Variants in YME1L1 observed in about 807,000 individuals in gnomAD.
The protein encoded by YME1L1 is ATP-dependent zinc metalloprotease YME1L1.
YME1L1 carries 39 observed loss-of-function variants against 90.4 expected under a neutral mutation model. The observed-to-expected ratio is 0.43, with a 90% confidence interval of 0.33 to 0.56. The LOEUF (loss-of-function observed/expected upper bound fraction) is 0.56. YME1L1 is among the 20% of genes least tolerant of loss of function. YME1L1 has a pLI of 0.03. For missense variants in YME1L1, 617 were observed against 868.4 expected, an observed-to-expected ratio of 0.71 and a Z score of 3.64; for synonymous variants, 284 against 287.3, an observed-to-expected ratio of 0.99 and a Z score of 0.12.
intron 12 of YME1L1, 87 bp from the exon 13 acceptor site, chr10:27,120,634 G>C: frequency 1.0e-6 from 1 of 974,978 alleles, no homozygotes; most frequent in Non-Finnish European, 1.5e-6. Context: ...ACGTGACTGG[G>C]AAGCCAATGG....
intron 1 of YME1L1, among the ~76,000 whole-genome samples, chr10:27,150,140 C>T (rs1588619018): frequency 1.3e-5 from 2 of 151,732 alleles, no homozygotes; most frequent in African/African-American, 2.4e-5. Context: ...GTTGAAGCTG[C>T]AGTGAGCTAT....
Position 27,116,329 on chromosome 10 carries a change from T to G in YME1L1, c.1736A>C (p.Glu579Ala). The G allele has an allele frequency of 6.2e-7, 1 of 1,614,106 alleles. No homozygotes were observed. The highest frequency in any genetic ancestry group is 1.1e-5 in the South Asian group (1 of 91,078). Residue 579 changes from glutamate to alanine, a missense_variant, in exon 16 of 19, where the codon GAG becomes GCG. Glu to Ala is a moderately radical substitution (Grantham distance 107, BLOSUM62 -1). This residue lies in a region of YME1L1 where 212 missense variants were observed against 330.0 expected (regional missense o/e 0.64). Coordinates refer to ENST00000376016, the MANE Select transcript of YME1L1 (RefSeq NM_014263.4). ...TCTAGTTTCATTCCATCTGTCATTCTCAGGTAACAGGGACACCTAGACAAT... is the reference window on the plus strand; with the variant it reads ...TCTAGTTTCATTCCATCTGTCATTCGCAGGTAACAGGGACACCTAGACAAT... ...PTLGHVSLLP[E>A]NDRWNETRAQ...
chr10:27,121,943 C>T (rs1443579637), intron 11 of YME1L1, among the ~76,000 whole-genome samples: 2 of 152,068 alleles, frequency 1.3e-5, no homozygotes, highest in African/African-American at 4.8e-5. Context: ...ACCATGTTGG[C>T]CAGGTTGGTC....
At chr10:27,117,856 C>A in intron 14 of YME1L1, 129 bp from the exon 15 acceptor site, 17 of 867,194 alleles carry the variant, frequency 2.0e-5, no homozygotes, top group South Asian at 3.8e-5. Flanking sequence ...ATAGATTCAA[C>A]CAAATAAGGA....
chr10:27,123,741 A>T, intron 9 of YME1L1, 42 bp from the exon 10 acceptor site: 1 of 1,556,948 alleles, frequency 6.4e-7, no homozygotes, highest in Non-Finnish European at 8.7e-7. Flanking sequence ...AGTATTTTTA[A>T]AAAATCCCTC....
intron 3 of YME1L1, among the ~76,000 whole-genome samples, chr10:27,144,752 T>C (rs1456349298): frequency 1.3e-5 from 2 of 152,144 alleles, no homozygotes; most frequent in Non-Finnish European, 1.5e-5. Flanking sequence ...CTGGATCAGA[T>C]CCTGGAAAAG....
chr10:27,112,491 T>C (rs1254851614), intron 18 of YME1L1, among the ~76,000 whole-genome samples: 1 of 152,212 alleles, frequency 6.6e-6, no homozygotes, highest in Non-Finnish European at 1.5e-5. Context: ...TATTTGTTCA[T>C]GTTTACCCTA....
At chr10:27,129,085 C>CAAAA (rs71523559) in intron 8 of YME1L1, among the ~76,000 whole-genome samples, 3 of 48,516 alleles carry the variant, frequency 6.2e-5, no homozygotes, top group African/African-American at 7.5e-5. Flanking sequence ...GACCCTGTCT[C>CAAAA]AAAAAAAAAA....
chr10:27,114,967 C>A (rs908480500), intron 17 of YME1L1, among the ~76,000 whole-genome samples: 5 of 152,104 alleles, frequency 3.3e-5, no homozygotes, highest in Non-Finnish European at 4.4e-5. Context: ...GCGGTGGTTG[C>A]AGTAAGCTGA....
chr10:27,119,285 G>C lies in YME1L1; in HGVS notation c.1567+9C>G, dbSNP rs2056842824. 6 of 1,582,510 alleles carry C rather than the reference G, an allele frequency of 3.8e-6. No individual in the cohort carries two copies. Among genetic ancestry groups the C allele is most frequent in the Non-Finnish European group, 5.1e-6 (6 of 1,170,752 alleles). ...AGTAAAAGACAGAAAAAAAAGAAAG[G>C]AAACCTACCCATTAGAATTTTGTCT... On this transcript the variant is annotated intron_variant, in intron 14 of 18. Coordinates refer to ENST00000376016, the MANE Select transcript of YME1L1 (RefSeq NM_014263.4).
At position 27,143,590 on chromosome 10, in the gene YME1L1, C is replaced by T. The variant is rs369197695; in HGVS notation, c.332-1105G>A. ...GCGGATGCGTGTAGTCCCAGCTGCT[C>T]GGGAGGCTGAGGCAGGAGAATGGCG... On this transcript the variant is annotated intron_variant, in intron 3 of 18. Coordinates refer to ENST00000376016, the MANE Select transcript of YME1L1 (RefSeq NM_014263.4). Among the ~76,000 whole-genome samples, 10 of 150,360 alleles carry T rather than the reference C, an allele frequency of 6.7e-5. No individual in the cohort carries two copies. In the South Asian group the frequency reaches 8.4e-4, roughly 13 times the overall value.
chr10:27,119,258 A>C (rs1315216877), intron 14 of YME1L1, 36 bp downstream of exon 14: 2 of 1,559,150 alleles, frequency 1.3e-6, no homozygotes, highest in Admixed American at 4.2e-5. Flanking sequence ...AACACAATGA[A>C]AAGTAAAAGA....
Position 27,111,752 on chromosome 10 carries a change from T to TAAAGAA in YME1L1, c.*224_*225insTTCTTT. 1.6e-6 allele frequency: 1 copy of TAAAGAA among 634,164 alleles called. No homozygotes were observed. The allele number at this position is 634,164 out of a possible 1,614,324, so 39.3% of individuals were successfully genotyped here. On this transcript the variant is annotated 3_prime_UTR_variant, in exon 19 of 19. Transcript: ENST00000376016. ...AAGAGCTGTTTTCAATCCTGATAGT[T>TAAAGAA]CTTTATTTTTTCAAAATATATTTGC...
At chr10:27,129,901 C>T (rs2056960173) in intron 8 of YME1L1, among the ~76,000 whole-genome samples, 1 of 152,164 alleles carries the variant, frequency 6.6e-6, no homozygotes, top group Admixed American at 6.6e-5. Context: ...CTGCTGGTGA[C>T]CTTGATTCTA....
chr10:27,133,633 G>A (rs1283718183), intron 7 of YME1L1, among the ~76,000 whole-genome samples: 2 of 152,084 alleles, frequency 1.3e-5, no homozygotes, highest in African/African-American at 4.8e-5. Context: ...AGTGGAAAAG[G>A]TAATTGGAAC....
Position 27,116,239 on chromosome 10 carries a change from C to T in YME1L1, c.1826G>A (p.Gly609Glu). 6.2e-7 allele frequency: 1 copy of T among 1,614,132 alleles called. No individual in the cohort carries two copies. The highest frequency in any genetic ancestry group is 8.5e-7 in the Non-Finnish European group (1 of 1,180,026). The change falls in exon 16 of 19, where the codon GGA (glycine) becomes GAA (glutamate). Residue 609 changes from glycine to glutamate, a missense_variant. By Grantham distance (98) the Gly-to-Glu change is moderately conservative. Transcript: ENST00000376016. Reference protein sequence around the residue: ...GGRVAEELIFGTDHITTGASS... With the variant: ...GGRVAEELIFETDHITTGASS... ...CTAACCTGTTGTAATATGGTCGGTTCCAAATATAAGCTCCTCTGCCACTCT... is the reference window on the plus strand; with the variant it reads ...CTAACCTGTTGTAATATGGTCGGTTTCAAATATAAGCTCCTCTGCCACTCT...
intron 9 of YME1L1, among the ~76,000 whole-genome samples, chr10:27,123,924 C>T (rs2056891774): frequency 2.0e-5 from 3 of 151,880 alleles, no homozygotes. Flanking sequence ...GTTTCCATAT[C>T]AACAAGAGAC....
chr10:27,144,600 A>G (rs964786163), intron 3 of YME1L1, among the ~76,000 whole-genome samples: 2 of 152,222 alleles, frequency 1.3e-5, no homozygotes, highest in African/African-American at 4.8e-5. Context: ...AAAAAAATGT[A>G]GACATTCCAC....
chr10:27,115,182 G>A (rs1165169502), intron 17 of YME1L1, among the ~76,000 whole-genome samples: 1 of 152,174 alleles, frequency 6.6e-6, no homozygotes, highest in South Asian at 2.1e-4. Context: ...GAACCCGGGA[G>A]GCGGTAGCTG....
Sources: allele counts gnomAD v4.1 joint callset (sites outside exome capture counted in the v4.1 genomes callset), GRCh38; gene constraint gnomAD v4.1.1; regional missense constraint gnomAD v4.1.1; transcripts MANE v1.5; gene names NCBI Gene and HGNC (gene_info 2026-07-23, HGNC 2026-07-21).